Variants in CCNY observed in about 807,000 individuals in gnomAD.
CCNY encodes cyclin-Y.
In CCNY, 19 loss-of-function variants were observed where a neutral mutation model predicts 42.8. The ratio of observed to expected loss-of-function variants is 0.44; its 90% confidence interval spans 0.31 to 0.65. The LOEUF (loss-of-function observed/expected upper bound fraction) is 0.65. Among genes scored for constraint, CCNY ranks in the 30% least tolerant of loss-of-function variants. CCNY has a pLI of 0.07. For missense variants in CCNY, 370 were observed against 437.3 expected, an observed-to-expected ratio of 0.85 and a Z score of 1.37; for synonymous variants, 165 against 162.7, an observed-to-expected ratio of 1.01 and a Z score of -0.11.
chr10:35,454,410 A>T (rs1341721836), intron 1 of CCNY, among the ~76,000 whole-genome samples: 1 of 152,222 alleles, frequency 6.6e-6, no homozygotes, highest in Non-Finnish European at 1.5e-5. Context: ...ATGGACTGTG[A>T]ACCCCCCACC....
intron 1 of CCNY, among the ~76,000 whole-genome samples, chr10:35,459,535 C>T (rs193118356): frequency 3.9e-5 from 6 of 152,230 alleles, no homozygotes; most frequent in East Asian, 1.9e-4. Flanking sequence ...AATGAAGTGA[C>T]GCTTCTTCCC....
intron 8 of CCNY, 91 bp downstream of exon 8, chr10:35,553,276 C>T (rs561188314): frequency 1.6e-5 from 20 of 1,270,442 alleles, no homozygotes; most frequent in African/African-American, 5.9e-5. Flanking sequence ...GTCTGTATAG[C>T]GCAGAATGCA....
intron 5 of CCNY, 47 bp from the exon 6 acceptor site, chr10:35,529,926 C>T (rs763115875): frequency 6.8e-7 from 1 of 1,465,454 alleles, no homozygotes; most frequent in South Asian, 1.2e-5. Context: ...ATTTGAATGA[C>T]ATTCTTGCAG....
chr10:35,393,044 A>G (rs1426347433), intron 1 of CCNY, among the ~76,000 whole-genome samples: 1 of 151,812 alleles, frequency 6.6e-6, no homozygotes, highest in East Asian at 1.9e-4. Flanking sequence ...TTTTCCATCC[A>G]CTGACCCTGC....
chr10:35,370,777 G>T lies in CCNY; in HGVS notation c.154+33570G>T, dbSNP rs1344349618. 3.3e-5 allele frequency among the ~76,000 whole-genome samples: 5 copies of T among 151,544 alleles called. No homozygotes were observed. In the South Asian group the frequency reaches 1.0e-3, roughly 32 times the overall value. ...TTCGCCCAGGCTGGAGTGCAGTGGG[G>T]CCATCTTGGCTCACTACAAGCTCCG... On this transcript the variant is annotated intron_variant, in intron 1 of 9. Coordinates refer to ENST00000374704, the MANE Select transcript of CCNY (RefSeq NM_145012.6).
intron 1 of CCNY, among the ~76,000 whole-genome samples, chr10:35,453,964 A>T (rs531019523): frequency 6.6e-6 from 1 of 152,318 alleles, no homozygotes; most frequent in South Asian, 2.1e-4. Context: ...TCCATTTTTT[A>T]AAAAAGATGA....
chr10:35,437,621 T>C (rs1838566877), intron 1 of CCNY, among the ~76,000 whole-genome samples: 1 of 151,624 alleles, frequency 6.6e-6, no homozygotes, highest in South Asian at 2.1e-4. Flanking sequence ...ACCACTACGC[T>C]CCAGCACTCT....
chr10:35,371,643 G>T (rs367785885), intron 1 of CCNY, among the ~76,000 whole-genome samples: 3 of 152,174 alleles, frequency 2.0e-5, no homozygotes, highest in East Asian at 1.9e-4. Flanking sequence ...TTGGGAGGAG[G>T]ACTGGGGCAC....
chr10:35,365,174 G>A (rs1482726232), intron 1 of CCNY, among the ~76,000 whole-genome samples: 2 of 152,142 alleles, frequency 1.3e-5, no homozygotes, highest in Non-Finnish European at 2.9e-5. Flanking sequence ...AGTTATACAT[G>A]AGATAGGCTA....
Position 35,402,064 on chromosome 10 carries a change from C to T in CCNY, c.154+64857C>T, listed in dbSNP as rs912306634. 2.6e-5 allele frequency among the ~76,000 whole-genome samples: 4 copies of T among 152,028 alleles called. No homozygotes were observed. In the East Asian group the frequency reaches 5.8e-4, roughly 22 times the overall value. ...TAAGAAAAATAAAATAGTGGTAAAGCGTTGGGGTGGCAAAAATTTTTGGGG... is the reference window on the plus strand; with the variant it reads ...TAAGAAAAATAAAATAGTGGTAAAGTGTTGGGGTGGCAAAAATTTTTGGGG... On this transcript the variant is annotated intron_variant, in intron 1 of 9. Coordinates refer to ENST00000374704, the MANE Select transcript of CCNY (RefSeq NM_145012.6).
chr10:35,448,724 G>T (rs1838846468), intron 1 of CCNY, among the ~76,000 whole-genome samples: 1 of 151,964 alleles, frequency 6.6e-6, no homozygotes, highest in African/African-American at 2.4e-5. Flanking sequence ...GGATGGAGGG[G>T]AGTGGTCAGA....
At chr10:35,273,940 C>A (rs1218239804) in intron 3 of CCNY, among the ~76,000 whole-genome samples, 1 of 152,162 alleles carries the variant, frequency 6.6e-6, no homozygotes, top group Non-Finnish European at 1.5e-5. Context: ...CATCTGGCAA[C>A]CTTCCACATC....
chr10:35,307,802 A>ATG (rs1564364291), intron 3 of CCNY, among the ~76,000 whole-genome samples: 1 of 32,970 alleles, frequency 3.0e-5, no homozygotes, highest in Non-Finnish European at 5.3e-5. Context: ...GTGTGTGTGT[A>ATG]TATATATATA....
At chr10:35,537,556 T>G (rs993878496) in intron 7 of CCNY, among the ~76,000 whole-genome samples, 1 of 152,212 alleles carries the variant, frequency 6.6e-6, no homozygotes, top group East Asian at 1.9e-4. Context: ...CCCAGGACTA[T>G]CAGAACCCAC....
chr10:35,546,298 A>G (rs574333059), intron 7 of CCNY, among the ~76,000 whole-genome samples: 43 of 152,240 alleles, frequency 2.8e-4, no homozygotes, highest in Non-Finnish European at 5.9e-4. Context: ...TATATCCTCA[A>G]TTCCACAAGT....
At chr10:35,346,506 G>T (rs570029515) in intron 1 of CCNY, among the ~76,000 whole-genome samples, 1 of 152,330 alleles carries the variant, frequency 6.6e-6, no homozygotes, top group East Asian at 1.9e-4. Flanking sequence ...GGTCATTTCA[G>T]GGGTTGGCCA....
intron 1 of CCNY, among the ~76,000 whole-genome samples, chr10:35,420,206 C>G (rs537885473): frequency 1.3e-5 from 2 of 152,184 alleles, no homozygotes; most frequent in South Asian, 4.2e-4. Context: ...ATGGTGCATC[C>G]TTTGTTTGTG....
chr10:35,358,595 G>T (rs1836613564), intron 1 of CCNY, among the ~76,000 whole-genome samples: 1 of 152,208 alleles, frequency 6.6e-6, no homozygotes, highest in Admixed American at 6.5e-5. Context: ...ACCACTTCTT[G>T]TCAAGCTCAC....
chr10:35,434,045 G>A (rs1168126162), intron 1 of CCNY: 1 of 152,230 alleles, frequency 6.6e-6, no homozygotes, highest in Non-Finnish European at 1.5e-5. Context: ...GACAGGGAAG[G>A]GGAGCAAGAG....
Sources: allele counts gnomAD v4.1 joint callset (sites outside exome capture counted in the v4.1 genomes callset), GRCh38; gene constraint gnomAD v4.1.1; transcripts MANE v1.5; gene names NCBI Gene and HGNC (gene_info 2026-07-23, HGNC 2026-07-21).